Variants in GABRB1 observed in about 807,000 individuals in gnomAD.
GABRB1 encodes the protein gamma-aminobutyric acid receptor subunit beta-1.
GABRB1 carries 17 observed loss-of-function variants against 51.6 expected under a neutral mutation model. The ratio of observed to expected loss-of-function variants is 0.33; its 90% CI spans 0.23 to 0.49. The LOEUF is 0.49. Among genes scored for constraint, GABRB1 ranks in the 20% least tolerant of loss-of-function variants. The probability of loss-of-function intolerance (pLI) is 0.99; values close to 1 mark genes in which losing one functional copy is unlikely to be tolerated. For synonymous variants in GABRB1, 247 were observed against 218.9 expected (o/e 1.13, Z -1.14); for missense variants, 410 against 600.6 (o/e 0.68, Z 3.32).
At chr4:47,410,290 T>C (rs1159502090) in intron 8 of GABRB1, among the ~76,000 whole-genome samples, 1 of 152,170 alleles carries the variant, frequency 6.6e-6, no homozygotes, top group Non-Finnish European at 1.5e-5. Flanking sequence ...GGCAGAGTAC[T>C]TTGTATCAGA....
At chr4:47,333,950 A>T (rs1725596303) in intron 5 of GABRB1, among the ~76,000 whole-genome samples, 1 of 152,184 alleles carries the variant, frequency 6.6e-6, no homozygotes, top group Non-Finnish European at 1.5e-5. Flanking sequence ...CAGGATTTAG[A>T]TTATGTGTAC....
chr4:47,033,089 G>C (rs545536204), intron 3 of GABRB1: 3 of 200,780 alleles, frequency 1.5e-5, no homozygotes, highest in African/African-American at 6.9e-5. Context: ...GTTCTCTTGC[G>C]GGAGGTTATG....
rs1726507669 is a variant in GABRB1, at chr4:47,354,990, T to TTTTTG, written c.544+34785_544+34786insGTTTT. ...TTTCTTTCTTCCTTTGTTTTTTTTT[T>TTTTTG]TTTTTTTTTTTTTTTGACAGAATCT... On this transcript the variant is annotated intron_variant, in intron 5 of 8. Coordinates refer to ENST00000295454, the MANE Select transcript of GABRB1 (RefSeq NM_000812.4). 2.7e-4 allele frequency among the ~76,000 whole-genome samples: 19 copies of TTTTTG among 69,106 alleles called. 1 individual carries two copies. The highest frequency in any genetic ancestry group is 5.7e-4 in the Non-Finnish European group (15 of 26,274). The allele number at this position is 69,106 out of a possible 152,430, so 45.3% of individuals were successfully genotyped here. A position where few individuals can be genotyped will look rare whatever the true frequency, so the allele number is the denominator to read the frequency against.
intron 5 of GABRB1, among the ~76,000 whole-genome samples, chr4:47,359,417 C>T (rs1321864790): frequency 1.3e-5 from 2 of 152,012 alleles, no homozygotes; most frequent in Non-Finnish European, 2.9e-5. Flanking sequence ...TTTCAAAGTG[C>T]TTATACATAC....
rs185438979 is a variant in GABRB1, at chr4:47,383,393, C to T, written c.545-19925C>T. On this transcript the variant is annotated intron_variant, in intron 5 of 8. Transcript: ENST00000295454. ...ACTTTGCATCCACAGATGAGAAAGG[C>T]ATCCAATTTAAAAATTGAATTGGGT... Among the ~76,000 whole-genome samples, 508 of 152,138 alleles carry T rather than the reference C, an allele frequency of 3.3e-3. 4 individuals are homozygous for T. The highest frequency in any genetic ancestry group is 0.011 in the African/African-American group (455 of 41,506).
intron 3 of GABRB1, among the ~76,000 whole-genome samples, chr4:47,073,606 G>C (rs546589055): frequency 6.6e-6 from 1 of 152,122 alleles, no homozygotes; most frequent in Non-Finnish European, 1.5e-5. Flanking sequence ...TTGGCCTTTT[G>C]TCTATACTTT....
intron 3 of GABRB1, among the ~76,000 whole-genome samples, chr4:47,112,098 T>C (rs1173248797): frequency 6.6e-6 from 1 of 151,710 alleles, no homozygotes; most frequent in Non-Finnish European, 1.5e-5. Flanking sequence ...GCCTCCCGAG[T>C]AGCTGGGACT....
chr4:47,298,469 A>C (rs1458035271), intron 4 of GABRB1, among the ~76,000 whole-genome samples: 2 of 151,666 alleles, frequency 1.3e-5, no homozygotes, highest in Non-Finnish European at 2.9e-5. Context: ...GCCAAATCAT[A>C]AGTGAACTCC....
chr4:47,324,247 G>A (rs568467019), intron 5 of GABRB1, among the ~76,000 whole-genome samples: 2 of 152,180 alleles, frequency 1.3e-5, no homozygotes, highest in South Asian at 2.1e-4. Context: ...GTATTTCACA[G>A]GAAGATGTGT....
chr4:47,052,477 C>T (rs758953610), intron 3 of GABRB1, among the ~76,000 whole-genome samples: 4 of 152,174 alleles, frequency 2.6e-5, no homozygotes, highest in Non-Finnish European at 4.4e-5. Flanking sequence ...ATACCACATG[C>T]GCAATTACTT....
chr4:47,406,549 A>G (rs1728573882), intron 7 of GABRB1, 133 bp from the exon 8 acceptor site: 5 of 1,076,256 alleles, frequency 4.6e-6, no homozygotes, highest in Non-Finnish European at 6.8e-6. Flanking sequence ...CTTTTTGCCC[A>G]ATGGTTTATC....
intron 3 of GABRB1, among the ~76,000 whole-genome samples, chr4:47,150,650 C>T (rs965453261): frequency 5.3e-5 from 8 of 151,184 alleles, no homozygotes; most frequent in East Asian, 3.9e-4. Flanking sequence ...CATATATATA[C>T]ACACACACAC....
intron 3 of GABRB1, among the ~76,000 whole-genome samples, chr4:47,117,491 T>C (rs1178891011): frequency 6.6e-6 from 1 of 152,064 alleles, no homozygotes; most frequent in East Asian, 1.9e-4. Flanking sequence ...AATATCAATA[T>C]CTCTTCATGA....
At chr4:47,297,375 G>C (rs1166493256) in intron 4 of GABRB1, among the ~76,000 whole-genome samples, 1 of 101,242 alleles carries the variant, frequency 9.9e-6, no homozygotes, top group African/African-American at 3.9e-5. Context: ...GACTAATAAA[G>C]AAGAAAAGAG....
intron 5 of GABRB1, among the ~76,000 whole-genome samples, chr4:47,400,363 C>T (rs1728333492): frequency 6.6e-6 from 1 of 152,144 alleles, no homozygotes; most frequent in South Asian, 2.1e-4. Flanking sequence ...CTAGTTGTTC[C>T]ACTTGTTTTC....
intron 4 of GABRB1, among the ~76,000 whole-genome samples, chr4:47,296,992 C>T (rs1170790644): frequency 6.6e-6 from 1 of 152,106 alleles, no homozygotes; most frequent in East Asian, 1.9e-4. Context: ...AACTGAACAA[C>T]CTGCTCCTGA....
chr4:47,181,622 G>T (rs147464221), intron 4 of GABRB1, among the ~76,000 whole-genome samples: 1 of 151,912 alleles, frequency 6.6e-6, no homozygotes, highest in South Asian at 2.1e-4. Context: ...AGTGCCTATC[G>T]CATAGGGTTG....
chr4:47,320,914 C>T (rs1725060811), intron 5 of GABRB1, among the ~76,000 whole-genome samples: 1 of 152,004 alleles, frequency 6.6e-6, no homozygotes. Context: ...GGACTATAGG[C>T]GCCCGCCACC....
At chr4:47,278,898 C>CAT (rs1418243935) in intron 4 of GABRB1, among the ~76,000 whole-genome samples, 2 of 152,122 alleles carry the variant, frequency 1.3e-5, no homozygotes, top group African/African-American at 4.8e-5. Context: ...TCTCACTGCT[C>CAT]ATTAAAGATG....
Sources: gnomAD v4.1 joint callset for allele counts (sites outside exome capture counted in the v4.1 genomes callset) on GRCh38, gnomAD v4.1.1 for gene constraint, MANE v1.5 for transcripts, NCBI Gene and HGNC (gene_info 2026-07-23, HGNC 2026-07-21) for gene names.